Variants in TYR observed in about 807,000 individuals in gnomAD.
TYR encodes the protein tyrosinase, also known as LB24-AB.
TYR carries 58 observed loss-of-function variants against 51.5 expected under a neutral mutation model. The observed-to-expected ratio is 1.13, with a 90% confidence interval of 0.91 to 1.40. The LOEUF is 1.40. TYR is among the 40% of genes most tolerant of loss of function. TYR has a pLI of 0.00. For synonymous variants in TYR, 263 were observed against 235.2 expected (o/e 1.12, Z -1.08); for missense variants, 732 against 647.4 (o/e 1.13, Z -1.42).
Position 89,288,614 on chromosome 11 carries a change from G to T in TYR, c.1366+3660G>T, listed in dbSNP as rs190752644. Among the ~76,000 whole-genome samples, 1,196 of 152,050 alleles carry T rather than the reference G, an allele frequency of 7.9e-3. 18 individuals are homozygous for T. Among genetic ancestry groups the T allele is most frequent in the African/African-American group, 0.027 (1,133 of 41,502 alleles). On this transcript the variant is annotated intron_variant, in intron 4 of 4. Coordinates refer to ENST00000263321, the MANE Select transcript of TYR (RefSeq NM_000372.5). ...TTTCACACGGCTTTGAATTTACAAA[G>T]TTAATTTTAGAGAAGTTTGACTTTA...
chr11:89,206,212 G>A lies in TYR; in HGVS notation c.1036+14794G>A, dbSNP rs544287152. 1.8e-4 allele frequency among the ~76,000 whole-genome samples: 28 copies of A among 152,010 alleles called. No homozygotes were observed. The South Asian group carries it at 5.8e-3, about 32-fold the overall frequency. On this transcript the variant is annotated intron_variant, in intron 2 of 4. Transcript: ENST00000263321. ...TCTAAAAATACCAATTAAGAGATTG[G>A]GAGACTAGATTTTATTTAAAAATGA... is the stretch of plus-strand genomic sequence containing the variant.
chr11:89,230,906 TAAA>T (rs71052219), intron 3 of TYR, among the ~76,000 whole-genome samples: 1 of 139,328 alleles, frequency 7.2e-6, no homozygotes. Context: ...GAGACTATGT[TAAA>T]AAAAAAAAAA....
intron 3 of TYR, among the ~76,000 whole-genome samples, chr11:89,245,731 G>A (rs185534501): frequency 1.3e-5 from 2 of 152,074 alleles, no homozygotes; most frequent in Admixed American, 6.6e-5. Flanking sequence ...GACCATCCTG[G>A]CTAACATGGT....
At chr11:89,269,149 A>G (rs1175037797) in intron 3 of TYR, among the ~76,000 whole-genome samples, 1 of 151,990 alleles carries the variant, frequency 6.6e-6, no homozygotes, top group African/African-American at 2.4e-5. Flanking sequence ...TTTATTGAAT[A>G]AATAAATGGA....
intron 2 of TYR, among the ~76,000 whole-genome samples, chr11:89,221,724 C>A (rs1478251609): frequency 1.3e-5 from 2 of 152,182 alleles, no homozygotes; most frequent in African/African-American, 4.8e-5. Context: ...TTTAAAAAAT[C>A]TTCAGATGCA....
chr11:89,237,573 A>G (rs1474217360), intron 3 of TYR, among the ~76,000 whole-genome samples: 1 of 152,094 alleles, frequency 6.6e-6, no homozygotes, highest in African/African-American at 2.4e-5. Context: ...TGCCAGTACT[A>G]TTCTGTGATA....
chr11:89,221,996 G>C (rs889534920), intron 2 of TYR, among the ~76,000 whole-genome samples: 1 of 152,174 alleles, frequency 6.6e-6, no homozygotes, highest in Non-Finnish European at 1.5e-5. Context: ...CCAATGCCTA[G>C]CCAGTGACTG....
chr11:89,194,650 T>TTCTAACTA (rs1943491600), intron 2 of TYR, among the ~76,000 whole-genome samples: 1 of 150,610 alleles, frequency 6.6e-6, no homozygotes, highest in East Asian at 2.0e-4. Flanking sequence ...CCTCCATTTT[T>TTCTAACTA]TCTATCTATC....
intron 2 of TYR, among the ~76,000 whole-genome samples, chr11:89,211,887 C>A (rs1006436126): frequency 1.3e-5 from 2 of 152,156 alleles, no homozygotes; most frequent in Non-Finnish European, 2.9e-5. Flanking sequence ...TAAAGTTGTT[C>A]TTTAAAACCA....
At chr11:89,277,364 A>G (rs1027083123) in intron 3 of TYR, among the ~76,000 whole-genome samples, 1 of 151,756 alleles carries the variant, frequency 6.6e-6, no homozygotes, top group Non-Finnish European at 1.5e-5. Flanking sequence ...GCAGTTCTCA[A>G]AGAGAGTGTG....
At chr11:89,251,097 A>G (rs534961380) in intron 3 of TYR, among the ~76,000 whole-genome samples, 16 of 152,116 alleles carry the variant, frequency 1.1e-4, no homozygotes, top group African/African-American at 3.6e-4. Flanking sequence ...GAGAAAAAAC[A>G]TTAAAGCATG....
intron 3 of TYR, chr11:89,284,052 C>A (rs1944751653): frequency 1.3e-5 from 2 of 151,966 alleles, no homozygotes; most frequent in Admixed American, 6.6e-5. Flanking sequence ...GTACATCTGG[C>A]TTTGCTGCCC....
intron 2 of TYR, among the ~76,000 whole-genome samples, chr11:89,204,358 T>G (rs1943642094): frequency 6.6e-6 from 1 of 152,012 alleles, no homozygotes; most frequent in Non-Finnish European, 1.5e-5. Context: ...GTGTTTCCCT[T>G]CTGCTGGAGC....
chr11:89,252,122 A>AT (rs1313092042), intron 3 of TYR, among the ~76,000 whole-genome samples: 3 of 151,798 alleles, frequency 2.0e-5, no homozygotes, highest in African/African-American at 7.2e-5. Context: ...TTTTTAAGAT[A>AT]TTTTATGTGC....
intron 1 of TYR, among the ~76,000 whole-genome samples, chr11:89,179,684 G>T (rs1943275217): frequency 6.6e-6 from 1 of 152,102 alleles, no homozygotes; most frequent in Non-Finnish European, 1.5e-5. Flanking sequence ...TCTTTAGGCT[G>T]CATTAGAAGT....
intron 3 of TYR, among the ~76,000 whole-genome samples, chr11:89,238,243 G>A (rs1000182790): frequency 5.9e-5 from 9 of 151,850 alleles, no homozygotes; most frequent in African/African-American, 1.9e-4. Context: ...TTACTTCCTT[G>A]TTTAAATTTA....
chr11:89,261,179 A>G (rs1944452642), intron 3 of TYR, among the ~76,000 whole-genome samples: 1 of 152,134 alleles, frequency 6.6e-6, no homozygotes, highest in South Asian at 2.1e-4. Flanking sequence ...AGAAAGACAT[A>G]ACATGTATAG....
In TYR at chr11:89,191,392, A is replaced by T; in HGVS notation, c.1010A>T (p.Asn337Ile). 2 of 1,613,496 alleles carry T rather than the reference A, an allele frequency of 1.2e-6. No homozygotes were observed. The highest frequency in any genetic ancestry group is 1.7e-6 in the Non-Finnish European group (2 of 1,179,634). Residue 337 changes from asparagine to isoleucine, a missense_variant, in exon 2 of 5, where the codon AAT (asparagine) becomes ATT (isoleucine). Coordinates refer to ENST00000263321, the MANE Select transcript of TYR (RefSeq NM_000372.5). ...TCTGGTTCCATGGATAAAGCTGCCA[A>T]TTTCAGCTTTAGAAATACACTGGAA... Reference protein sequence around the residue: ...YESGSMDKAANFSFRNTLEGF... With the variant: ...YESGSMDKAAIFSFRNTLEGF...
At chr11:89,230,055 G>A (rs996700285) in intron 3 of TYR, among the ~76,000 whole-genome samples, 5 of 151,760 alleles carry the variant, frequency 3.3e-5, no homozygotes, top group East Asian at 3.9e-4. Context: ...AAATTCATAC[G>A]GAACTACAAA....
Sources: gnomAD v4.1 joint callset for allele counts (sites outside exome capture counted in the v4.1 genomes callset) on GRCh38, gnomAD v4.1.1 for gene constraint, MANE v1.5 for transcripts, NCBI Gene and HGNC (gene_info 2026-07-23, HGNC 2026-07-21) for gene names.